Variants in AGFG1 observed in about 807,000 individuals in gnomAD.
AGFG1 encodes the protein ArfGAP with FG repeats 1, also known as arf-GAP domain and FG repeat-containing protein 1.
A neutral mutation model predicts 60.6 loss-of-function variants in AGFG1; 10 were observed. The observed-to-expected ratio is 0.16, with a 90% CI of 0.10 to 0.28. AGFG1 has a LOEUF of 0.28. Among genes scored for constraint, AGFG1 ranks in the 10% least tolerant of loss-of-function variants. The probability of loss-of-function intolerance (pLI) is 1.00; values close to 1 mark genes in which losing one functional copy is unlikely to be tolerated. For missense variants in AGFG1, 537 were observed against 676.5 expected (o/e 0.79, Z 2.29); for synonymous variants, 247 against 242.9 (o/e 1.02, Z -0.16).
chr2:227,526,539 CTTTTTT>C (rs777649930), intron 5 of AGFG1, among the ~76,000 whole-genome samples: 3 of 92,480 alleles, frequency 3.2e-5, no homozygotes, highest in Admixed American at 2.4e-4. Flanking sequence ...TGCCCAGCCT[CTTTTTT>C]TTTTTTTTTT....
At chr2:227,540,096 A>G (rs949494096) in intron 10 of AGFG1, among the ~76,000 whole-genome samples, 2 of 152,080 alleles carry the variant, frequency 1.3e-5, no homozygotes, top group African/African-American at 4.8e-5. Flanking sequence ...TCGGCCTCCC[A>G]AAGTGCTGGG....
chr2:227,502,538 C>T (rs1691189865), intron 2 of AGFG1, among the ~76,000 whole-genome samples: 1 of 151,808 alleles, frequency 6.6e-6, no homozygotes, highest in Non-Finnish European at 1.5e-5. Context: ...CCAGGCAGAT[C>T]TGGAACTCCT....
At chr2:227,533,995 A>G (rs1390332668) in intron 7 of AGFG1, among the ~76,000 whole-genome samples, 1 of 152,106 alleles carries the variant, frequency 6.6e-6, no homozygotes, top group African/African-American at 2.4e-5. Context: ...GTTGAGAAAA[A>G]TTTTATTTTG....
rs1301700691 is a variant in AGFG1 at position 227,554,448 on chromosome 2, A to G, written c.1642A>G (p.Thr548Ala). 3 of 1,613,682 alleles carry G rather than the reference A, an allele frequency of 1.9e-6. No individual in the cohort carries two copies. The highest frequency in any genetic ancestry group is 2.5e-6 in the Non-Finnish European group (3 of 1,179,722). Residue 548 changes from threonine (T) to alanine (A), a missense_variant, in exon 13 of 13, where the codon ACA (threonine) becomes GCA (alanine). Physicochemically the swap from Thr to Ala is moderately conservative, Grantham distance 58. This residue lies in a region of AGFG1 where 28 missense variants were observed against 51.5 expected (regional missense o/e 0.54). Coordinates refer to ENST00000310078, the MANE Select transcript of AGFG1 (RefSeq NM_004504.5). ...TGTTTTCCTTTAGACTGGTGCACCA[A>G]CAGGACAATTTCCAACAGGAAGCTC... ...SSNPFMTGAPTGQFPTGSSST... is the reference protein window; with the variant it reads ...SSNPFMTGAPAGQFPTGSSST...
chr2:227,502,979 T>C (rs1691204532), intron 2 of AGFG1, among the ~76,000 whole-genome samples: 1 of 152,140 alleles, frequency 6.6e-6, no homozygotes, highest in African/African-American at 2.4e-5. Flanking sequence ...ACGTCTGTAA[T>C]CCTAGCACTT....
chr2:227,534,118 T>C (rs1242779315), intron 7 of AGFG1, among the ~76,000 whole-genome samples: 3 of 152,070 alleles, frequency 2.0e-5, no homozygotes, highest in African/African-American at 7.2e-5. Context: ...CTTCGAACAA[T>C]TTTCCGTTAA....
At chr2:227,504,289 C>A (rs544545210) in intron 2 of AGFG1, among the ~76,000 whole-genome samples, 1 of 151,412 alleles carries the variant, frequency 6.6e-6, no homozygotes, top group African/African-American at 2.4e-5. Context: ...ACTTCCTGGG[C>A]TCAGGTGACT....
rs559713990 is a variant in AGFG1 at position 227,514,407 on chromosome 2, G to A, written c.262-5541G>A. On this transcript the variant is annotated intron_variant, in intron 2 of 12. Transcript: ENST00000310078. The stretch of plus-strand genomic sequence containing the variant: ...TTTTGTGTGTGTTCTTAGTAGAGAC[G>A]GGGTTTCACCATTTCGTCCAGGCTG... Among the ~76,000 whole-genome samples the A allele has an allele frequency of 2.0e-5, 3 of 152,106 alleles. No individual in the cohort carries two copies. In the East Asian group the frequency reaches 5.8e-4, roughly 29 times the overall value.
intron 1 of AGFG1, among the ~76,000 whole-genome samples, chr2:227,486,706 G>C (rs1006709042): frequency 1.3e-5 from 2 of 152,094 alleles, no homozygotes; most frequent in Non-Finnish European, 2.9e-5. Flanking sequence ...TTGAACCTTG[G>C]TAGAGTTTAT....
At chr2:227,505,122 A>AT (rs1428785789) in intron 2 of AGFG1, among the ~76,000 whole-genome samples, 1 of 152,066 alleles carries the variant, frequency 6.6e-6, no homozygotes, top group Non-Finnish European at 1.5e-5. Flanking sequence ...TATAATTATT[A>AT]TGTCTTCTTG....
intron 4 of AGFG1, among the ~76,000 whole-genome samples, chr2:227,524,508 G>A (rs1434840470): frequency 6.6e-6 from 1 of 152,182 alleles, no homozygotes; most frequent in Non-Finnish European, 1.5e-5. Flanking sequence ...TGGCATTGCA[G>A]CCTCTATCCT....
intron 1 of AGFG1, among the ~76,000 whole-genome samples, chr2:227,475,559 C>T (rs963870541): frequency 6.6e-5 from 10 of 152,224 alleles, no homozygotes; most frequent in African/African-American, 2.2e-4. Flanking sequence ...AATAATATAA[C>T]TCTTGGGTTT....
rs1213009175 is a variant in AGFG1 at position 227,558,143 on chromosome 2, C to T, written c.*3648C>T. The T allele has an allele frequency of 1.3e-5, 2 of 152,126 alleles. No individual in the cohort carries two copies. The highest frequency in any genetic ancestry group is 1.5e-5 in the Non-Finnish European group (1 of 68,030). 9.4% of individuals were successfully genotyped at this position (152,126 alleles called of 1,614,324 possible). On this transcript the variant is annotated 3_prime_UTR_variant, in exon 13 of 13. Coordinates refer to ENST00000310078, the MANE Select transcript of AGFG1 (RefSeq NM_004504.5). ...GTAAAACAATTTTCATATTTCATCT[C>T]TTACAATCCCTGCAGTGGACCTATA...
intron 1 of AGFG1, among the ~76,000 whole-genome samples, chr2:227,478,951 T>G (rs1690374225): frequency 6.6e-6 from 1 of 152,218 alleles, no homozygotes; most frequent in Non-Finnish European, 1.5e-5. Flanking sequence ...GCCATTGTTT[T>G]ACATGACATT....
At position 227,555,985 on chromosome 2, in the gene AGFG1, C is replaced by T. The variant is rs550256835; in HGVS notation, c.*1490C>T. 2.6e-5 allele frequency: 4 copies of T among 152,210 alleles called. No homozygotes were observed. The highest frequency in any genetic ancestry group is 5.9e-5 in the Non-Finnish European group (4 of 68,052). The allele number at this position is 152,210 out of a possible 1,614,324, so 9.4% of individuals were successfully genotyped here. A position where few individuals can be genotyped will look rare whatever the true frequency, so the allele number is the denominator to read the frequency against. Reference sequence around the variant, plus strand: ...GAAAGGAAGGAGACTGAAAAACACTCTGAGAGCATACACTGTCCAAGGCCA... The same window carrying T: ...GAAAGGAAGGAGACTGAAAAACACTTTGAGAGCATACACTGTCCAAGGCCA... On this transcript the variant is annotated 3_prime_UTR_variant, in exon 13 of 13. Transcript: ENST00000310078.
In AGFG1 at chr2:227,545,434, T is replaced by C. The variant is rs542320001; in HGVS notation, c.1379-6525T>C. On this transcript the variant is annotated intron_variant, in intron 10 of 12. Transcript: ENST00000310078. ...TCCTTTAGCTCGGAGAAGTTTGTTA[T>C]TACCGATCTTCTCAAGCCTACTTCT... Among the ~76,000 whole-genome samples, 310 of 152,302 alleles carry C rather than the reference T, an allele frequency of 2.0e-3. 2 individuals are homozygous for C. Among genetic ancestry groups the C allele is most frequent in the African/African-American group, 7.2e-3 (301 of 41,568 alleles).
intron 1 of AGFG1, among the ~76,000 whole-genome samples, chr2:227,479,803 T>C (rs1208732352): frequency 1.3e-5 from 2 of 152,234 alleles, no homozygotes; most frequent in African/African-American, 2.4e-5. Flanking sequence ...ATGTTCCTTG[T>C]GACATTTTTT....
rs770743344 is a variant in AGFG1, at chr2:227,531,199, C to T, written c.803C>T (p.Pro268Leu). The T allele has an allele frequency of 4.3e-6, 7 of 1,613,380 alleles. No individual in the cohort carries two copies. The highest frequency in any genetic ancestry group is 1.3e-5 in the African/African-American group (1 of 74,862). ...FPTASHSPFQ[P>L]QTTGGSAASV... is the part of the protein sequence containing the mutation. ...ACAGCAAGTCACTCTCCTTTTCAGC[C>T]CCAAACTACAGGTAGAGCTTCTCCA... Residue 268 changes from proline to leucine, a missense_variant, in exon 6 of 13, where the codon CCC becomes CTC. Transcript: ENST00000310078.
intron 3 of AGFG1, among the ~76,000 whole-genome samples, chr2:227,521,736 G>A (rs1691831914): frequency 6.6e-6 from 1 of 152,186 alleles, no homozygotes; most frequent in Non-Finnish European, 1.5e-5. Flanking sequence ...ACAGAAAAGT[G>A]AGTGTGAGTA....
Sources: gnomAD v4.1 joint callset for allele counts (sites outside exome capture counted in the v4.1 genomes callset) on GRCh38, gnomAD v4.1.1 for gene constraint, gnomAD v4.1.1 regional missense constraint, MANE v1.5 for transcripts, NCBI Gene and HGNC (gene_info 2026-07-23, HGNC 2026-07-21) for gene names.